The following IPP variants were observed in gnomAD, a reference collection of about 807,000 sequenced individuals.
The protein encoded by IPP is actin-binding protein IPP.
A neutral mutation model predicts 64.1 loss-of-function variants in IPP; 41 were observed. The ratio of observed to expected loss-of-function variants is 0.64; its 90% CI spans 0.50 to 0.83. The LOEUF is 0.83. IPP is among the 40% of genes least tolerant of loss of function. The pLI, the probability that IPP is intolerant of heterozygous loss-of-function variation, is 0.00. For missense variants in IPP, 649 were observed against 703.0 expected, an observed-to-expected ratio of 0.92 and a Z score of 0.87; for synonymous variants, 214 against 235.2, an observed-to-expected ratio of 0.91 and a Z score of 0.83.
At chr1:45,742,923 T>TTTTTTTTATTTTTTTA (rs60274537) in intron 2 of IPP, among the ~76,000 whole-genome samples, 1 of 151,490 alleles carries the variant, frequency 6.6e-6, no homozygotes, top group African/African-American at 2.4e-5. Flanking sequence ...CTTCACTTTC[T>TTTTTTTTATTTTTTTA]TTTTTTTATT....
intron 3 of IPP, among the ~76,000 whole-genome samples, chr1:45,738,580 CCTA>C (rs1646010572): frequency 6.6e-6 from 1 of 151,952 alleles, no homozygotes; most frequent in Non-Finnish European, 1.5e-5. Context: ...GTGGCTCACA[CCTA>C]CAATCCCAGC....
downstream of IPP, chr1:45,694,509 T>G: frequency 2.0e-6 from 3 of 1,526,694 alleles, no homozygotes; most frequent in Non-Finnish European, 8.9e-7. Flanking sequence ...CTCGTATCTG[T>G]GAGTATCTGA....
rs1570000279 is a variant in IPP at position 45,724,586 on chromosome 1, C to A, written c.1048+3045G>T. The stretch of plus-strand genomic sequence containing the variant: ...TCTAGGAAGTGAGGAGCGTCTCTGC[C>A]CGGCCGCCCATCGTCTGAGATGTGG... On this transcript the variant is annotated intron_variant, in intron 5 of 8. Coordinates refer to ENST00000396478, the MANE Select transcript of IPP (RefSeq NM_005897.3). 4.6e-5 allele frequency among the ~76,000 whole-genome samples: 7 copies of A among 151,388 alleles called. No individual in the cohort carries two copies. In the South Asian group the frequency reaches 1.0e-3, roughly 23 times the overall value.
chr1:45,727,568 A>T lies in IPP; in HGVS notation c.1048+63T>A, dbSNP rs889130501. 10 of 1,068,132 alleles carry T rather than the reference A, an allele frequency of 9.4e-6. No homozygotes were observed. In the African/African-American group the frequency reaches 1.6e-4, roughly 17 times the overall value. 66.2% of individuals were successfully genotyped at this position (1,068,132 alleles called of 1,614,324 possible). The stretch of plus-strand genomic sequence containing the variant: ...TATATCACATAGCAACATATAAATC[A>T]TAAAGCATATTAGAATATAGCCAAC... On this transcript the variant is annotated intron_variant, in intron 5 of 8. Coordinates refer to ENST00000396478, the MANE Select transcript of IPP (RefSeq NM_005897.3).
chr1:45,742,292 A>C (rs1337954081), intron 2 of IPP, among the ~76,000 whole-genome samples: 6 of 152,126 alleles, frequency 3.9e-5, no homozygotes, highest in Admixed American at 1.3e-4. Context: ...TGGGGGACAA[A>C]ATTATCTACA....
At chr1:45,730,278 G>C (rs1645889608) in intron 3 of IPP, among the ~76,000 whole-genome samples, 1 of 151,950 alleles carries the variant, frequency 6.6e-6, no homozygotes, top group Non-Finnish European at 1.5e-5. Context: ...CTTGAGCTCA[G>C]GAAGCAGAGT....
chr1:45,701,390 C>T (rs1414299542), intron 8 of IPP, among the ~76,000 whole-genome samples: 1 of 152,056 alleles, frequency 6.6e-6, no homozygotes, highest in Non-Finnish European at 1.5e-5. Flanking sequence ...CAGGTTCAAG[C>T]GATTCTCCTG....
At chr1:45,748,191 G>T (rs1160054123) in intron 1 of IPP, among the ~76,000 whole-genome samples, 2 of 152,098 alleles carry the variant, frequency 1.3e-5, no homozygotes, top group Non-Finnish European at 2.9e-5. Flanking sequence ...TGTTTGAGGT[G>T]ATGAATATGG....
intron 1 of IPP, among the ~76,000 whole-genome samples, chr1:45,747,111 C>T (rs1052586059): frequency 6.7e-6 from 1 of 149,994 alleles, no homozygotes; most frequent in Non-Finnish European, 1.5e-5. Context: ...CGCATGCGCG[C>T]GCACACGAGC....
chr1:45,729,713 C>G lies in IPP; in HGVS notation c.781G>C (p.Glu261Gln). The change falls in exon 4 of 9, where the codon GAA becomes CAA. Residue 261 changes from glutamate (E) to glutamine (Q), a missense_variant. Physicochemically the swap from Glu to Gln is conservative, Grantham distance 29. Coordinates refer to ENST00000396478, the MANE Select transcript of IPP (RefSeq NM_005897.3). ...ALQTLLKEYCEVCKSPKENKF... is the reference protein window; with the variant it reads ...ALQTLLKEYCQVCKSPKENKF... The stretch of plus-strand genomic sequence containing the variant: ...TTCTCTTTGGGAGATTTGCATACTT[C>G]ACAGTACTCTTTCAGAAGTGTTTGC... 1 of 1,606,918 alleles carries G rather than the reference C, an allele frequency of 6.2e-7. No individual in the cohort carries two copies. Among genetic ancestry groups the G allele is most frequent in the Non-Finnish European group, 8.5e-7 (1 of 1,174,352 alleles).
chr1:45,712,298 TAA>T (rs71058702), intron 8 of IPP, among the ~76,000 whole-genome samples: 8 of 131,310 alleles, frequency 6.1e-5, no homozygotes, highest in South Asian at 2.5e-4. Context: ...AGACGACGTC[TAA>T]AAAAAAAAAA....
chr1:45,750,523 C>G (rs1321763787), intron 1 of IPP, 74 bp downstream of exon 1: 2 of 152,304 alleles, frequency 1.3e-5, no homozygotes, highest in Admixed American at 6.5e-5. Flanking sequence ...CTCAGGGGTC[C>G]GGAAAGCCGG....
At chr1:45,750,161 G>A (rs1176379287) in intron 1 of IPP, among the ~76,000 whole-genome samples, 2 of 152,232 alleles carry the variant, frequency 1.3e-5, no homozygotes, top group Non-Finnish European at 2.9e-5. Context: ...AACTGCTTCA[G>A]CAAAGGGGTG....
intron 5 of IPP, among the ~76,000 whole-genome samples, chr1:45,722,163 A>C (rs1274038398): frequency 2.6e-5 from 4 of 151,828 alleles, no homozygotes; most frequent in Non-Finnish European, 5.9e-5. Context: ...CTGAGGCAGG[A>C]GAATCACTTG....
intron 5 of IPP, among the ~76,000 whole-genome samples, chr1:45,720,374 A>G (rs1251930958): frequency 6.6e-6 from 1 of 152,226 alleles, no homozygotes; most frequent in Non-Finnish European, 1.5e-5. Flanking sequence ...AGAGATGAAT[A>G]ATGCTCATGA....
At position 45,731,696 on chromosome 1, in the gene IPP, G is replaced by C. The variant is rs912531483; in HGVS notation, c.725-1927C>G. Among the ~76,000 whole-genome samples the C allele has an allele frequency of 2.0e-5, 3 of 151,956 alleles. No individual in the cohort carries two copies. The East Asian group carries it at 5.8e-4, about 29-fold the overall frequency. On this transcript the variant is annotated intron_variant, in intron 3 of 8. Coordinates refer to ENST00000396478, the MANE Select transcript of IPP (RefSeq NM_005897.3). ...CACGCTTCTAATCCCAGCACTTTGG[G>C]AGGCCGAGGGGGGTGAATCATGAGG...
chr1:45,711,909 G>A (rs1234588274), intron 8 of IPP, among the ~76,000 whole-genome samples: 2 of 152,106 alleles, frequency 1.3e-5, no homozygotes, highest in South Asian at 2.1e-4. Context: ...GAAATGAAAG[G>A]AGAAACAGAC....
At chr1:45,710,975 T>C (rs1171183420) in intron 8 of IPP, among the ~76,000 whole-genome samples, 1 of 113,802 alleles carries the variant, frequency 8.8e-6, no homozygotes. Context: ...GCTGAGATTG[T>C]ACCACTGCAC....
At chr1:45,723,872 T>A (rs966025894) in intron 5 of IPP, among the ~76,000 whole-genome samples, 2 of 151,954 alleles carry the variant, frequency 1.3e-5, no homozygotes, top group Non-Finnish European at 2.9e-5. Context: ...AATTTTTTTT[T>A]ATATACAGTT....
Sources: allele counts gnomAD v4.1 joint callset (sites outside exome capture counted in the v4.1 genomes callset), GRCh38; gene constraint gnomAD v4.1.1; transcripts MANE v1.5; gene names NCBI Gene and HGNC (gene_info 2026-07-23, HGNC 2026-07-21).